Variants in LINGO3 observed in about 807,000 individuals in gnomAD.
LINGO3 encodes leucine rich repeat and Ig domain containing 3.
For missense variants in LINGO3, 750 were observed against 867.7 expected (o/e 0.86, Z 1.70); for synonymous variants, 427 against 444.2 (o/e 0.96, Z 0.49).
chr19:2,291,036 G>T (rs1025344217), exon 1 of LINGO3: 1 of 1,610,798 alleles, frequency 6.2e-7, no homozygotes, highest in African/African-American at 1.3e-5. Context: ...GCGAGGTCAG[G>T]TTCAGGCCCC....
At chr19:2,294,574 C>T (rs1019228918), upstream of LINGO3, among the ~76,000 whole-genome samples, 1 of 148,972 alleles carries the variant, frequency 6.7e-6, no homozygotes, top group African/African-American at 2.5e-5. This position sits in a 1 kb window ranked among gnomAD's most constrained non-coding sequence, Gnocchi z 4.3. Flanking sequence ...CGAGGTGTGG[C>T]GGGAGTCTGG....
the LINGO3 span, among the ~76,000 whole-genome samples, chr19:2,302,229 T>G: frequency 6.6e-6 from 1 of 151,654 alleles, no homozygotes; most frequent in Non-Finnish European, 1.5e-5. Flanking sequence ...GCCCAGCTAA[T>G]TTTTGGATTT....
exon 1 of LINGO3, chr19:2,291,249 C>T (rs2025517528): frequency 6.2e-7 from 1 of 1,611,868 alleles, no homozygotes; most frequent in South Asian, 1.1e-5. Context: ...TCAGCTCCTC[C>T]AGGGCCAGCA....
the LINGO3 span, among the ~76,000 whole-genome samples, chr19:2,303,139 T>G: frequency 7.0e-4 from 107 of 151,838 alleles, no homozygotes; most frequent in Admixed American, 1.3e-3. Flanking sequence ...TCCCAGCCCC[T>G]CCCCAGCCCG....
chr19:2,300,964 A>AGGGG, the LINGO3 span, among the ~76,000 whole-genome samples: 1 of 151,360 alleles, frequency 6.6e-6, no homozygotes, highest in Admixed American at 6.6e-5. Flanking sequence ...GCCTCCACCC[A>AGGGG]CTCCATGCCA....
chr19:2,289,522 C>T (rs2025496929), downstream of LINGO3, among the ~76,000 whole-genome samples: 1 of 152,084 alleles, frequency 6.6e-6, no homozygotes, highest in Non-Finnish European at 1.5e-5. Context: ...GCACCCTCCC[C>T]TTGGGGCTGT....
chr19:2,302,738 C>T, the LINGO3 span, among the ~76,000 whole-genome samples: 1 of 152,262 alleles, frequency 6.6e-6, no homozygotes, highest in African/African-American at 2.4e-5. Flanking sequence ...CATTACCATG[C>T]ACGACCAGCC....
At chr19:2,289,309 T>G (rs932737943), downstream of LINGO3, among the ~76,000 whole-genome samples, 3 of 150,958 alleles carry the variant, frequency 2.0e-5, no homozygotes, top group Non-Finnish European at 4.4e-5. Flanking sequence ...GTCCCGGGTG[T>G]GAGTTGCGCC....
At chr19:2,291,618 C>T (rs769981219) in exon 1 of LINGO3, 1 of 1,481,414 alleles carries the variant, frequency 6.8e-7, no homozygotes, top group Admixed American at 2.5e-5. Context: ...GGGTCTCGGC[C>T]GGGATGCCGT....
At chr19:2,307,547 C>T in the LINGO3 span, among the ~76,000 whole-genome samples, 2 of 152,138 alleles carry the variant, frequency 1.3e-5, no homozygotes, top group Non-Finnish European at 2.9e-5. Flanking sequence ...GGACTCAGCC[C>T]TATGCCCCCA....
upstream of LINGO3, among the ~76,000 whole-genome samples, chr19:2,292,468 GTTTT>G (rs1213022697): frequency 6.7e-6 from 1 of 150,182 alleles, no homozygotes; most frequent in Admixed American, 6.7e-5. Context: ...AATCTCCTGG[GTTTT>G]TTTGTTTTGT....
chr19:2,291,107 G>T, exon 1 of LINGO3: 3 of 1,608,540 alleles, frequency 1.9e-6, no homozygotes, highest in Non-Finnish European at 1.7e-6. Flanking sequence ...AGGTGCAGCA[G>T]CCCGGGCAGC....
At chr19:2,294,490 C>T (rs1444004877), upstream of LINGO3, among the ~76,000 whole-genome samples, 1 of 152,128 alleles carries the variant, frequency 6.6e-6, no homozygotes, top group African/African-American at 2.4e-5. This position sits in a 1 kb window ranked among gnomAD's most constrained non-coding sequence, Gnocchi z 4.3. Context: ...CAGGCCGACC[C>T]AAAAGTTGAA....
chr19:2,291,484 A>G, exon 1 of LINGO3: 2 of 1,612,316 alleles, frequency 1.2e-6, no homozygotes, highest in Non-Finnish European at 1.7e-6. Context: ...CAGGTTGGCG[A>G]AGGCGCCGGG....
At chr19:2,307,946 G>C in the LINGO3 span, among the ~76,000 whole-genome samples, 5 of 152,074 alleles carry the variant, frequency 3.3e-5, no homozygotes, top group African/African-American at 1.2e-4. Context: ...AGGGGTGCGC[G>C]GGGCAATTTC....
the LINGO3 span, among the ~76,000 whole-genome samples, chr19:2,300,023 C>CTTTTTTTTTTT: frequency 2.7e-4 from 26 of 95,880 alleles, no homozygotes; most frequent in East Asian, 3.5e-4. Context: ...TGCCTGGCCT[C>CTTTTTTTTTTT]TTTTTTTTTT....
At chr19:2,296,880 A>G (rs2025577316), upstream of LINGO3, among the ~76,000 whole-genome samples, 1 of 150,582 alleles carries the variant, frequency 6.6e-6, no homozygotes, top group Non-Finnish European at 1.5e-5. Context: ...CAAGGTCAGG[A>G]GATCGAGACC....
chr19:2,297,381 TG>T, the LINGO3 span, among the ~76,000 whole-genome samples: 1 of 137,642 alleles, frequency 7.3e-6, no homozygotes, highest in African/African-American at 2.7e-5. Flanking sequence ...CTCTGTTCAC[TG>T]CAACCTCCGC....
the LINGO3 span, among the ~76,000 whole-genome samples, chr19:2,304,174 G>C: frequency 2.0e-5 from 3 of 152,314 alleles, no homozygotes; most frequent in Admixed American, 6.5e-5. Flanking sequence ...CATTCAACAA[G>C]CACTTAAAAA....
Sources: allele counts gnomAD v4.1 joint callset (sites outside exome capture counted in the v4.1 genomes callset), GRCh38; gene constraint gnomAD v4.1.1; non-coding constraint Gnocchi (gnomAD v3.1); transcripts MANE v1.5; gene names NCBI Gene and HGNC (gene_info 2026-07-23, HGNC 2026-07-21).